Variants in TNC observed in about 807,000 individuals in gnomAD.
TNC encodes tenascin C, also known as tenascin.
Under a neutral mutation model 202.4 loss-of-function variants are expected in TNC, and 109 were observed. The ratio of observed to expected loss-of-function variants is 0.54; its 90% CI spans 0.46 to 0.63. The LOEUF (loss-of-function observed/expected upper bound fraction) is 0.63. Among genes scored for constraint, TNC ranks in the 30% least tolerant of loss-of-function variants. The pLI, the probability that TNC is intolerant of heterozygous loss-of-function variation, is 0.00. For missense variants in TNC, 2,756 were observed against 2,833.3 expected, an observed-to-expected ratio of 0.97 and a Z score of 0.62; for synonymous variants, 1,007 against 1,089.7, an observed-to-expected ratio of 0.92 and a Z score of 1.50.
intron 1 of TNC, among the ~76,000 whole-genome samples, chr9:115,103,182 C>T (rs1836362899): frequency 1.3e-5 from 2 of 152,156 alleles, no homozygotes; most frequent in South Asian, 4.1e-4. Context: ...AACCCAAGGG[C>T]TTTTAAGAGC....
chr9:115,058,460 C>T (rs1832296170), intron 14 of TNC, among the ~76,000 whole-genome samples: 1 of 152,148 alleles, frequency 6.6e-6, no homozygotes, highest in South Asian at 2.1e-4. Context: ...ACAAGATCTG[C>T]AGAAAAGATC....
At position 115,073,627 on chromosome 9, in the gene TNC, G is replaced by T; in HGVS notation, c.3190C>A (p.Pro1064Thr). The T allele has an allele frequency of 6.2e-7, 1 of 1,614,112 alleles. No individual in the cohort carries two copies. Among genetic ancestry groups the T allele is most frequent in the Non-Finnish European group, 8.5e-7 (1 of 1,179,994 alleles). Reference protein sequence around the residue: ...TAEKGRHKSKPARVKASTEQA... With the variant: ...TAEKGRHKSKTARVKASTEQA... ...CCAGTGGATGCCTTCACACGTGCGG[G>T]CTTGCTCTTGTGTCTGCCTTTCTCG... Residue 1064 changes from proline (P) to threonine (T), a missense_variant, in exon 10 of 28, where the codon CCC (proline) becomes ACC (threonine). Transcript: ENST00000350763.
chr9:115,055,059 C>G (rs947079125), intron 15 of TNC, among the ~76,000 whole-genome samples: 1 of 148,818 alleles, frequency 6.7e-6, no homozygotes, highest in Non-Finnish European at 1.5e-5. Context: ...GAGTGTAGAT[C>G]TTTCTGACCA....
In TNC at chr9:115,048,376, C is replaced by G; in HGVS notation, c.4736G>C (p.Gly1579Ala). 1 of 1,614,054 alleles carries G rather than the reference C, an allele frequency of 6.2e-7. No individual in the cohort carries two copies. Among genetic ancestry groups the G allele is most frequent in the Non-Finnish European group, 8.5e-7 (1 of 1,179,980 alleles). ...LLDPQEFTLS[G>A]TQRKLELRGL... The stretch of plus-strand genomic sequence containing the variant: ...TCTAAGCTCCAGCTTCCTCTGGGTT[C>G]CTGAAAGTGTGAATTCCTGGGGGTC... The change falls in exon 16 of 28, where the codon GGA becomes GCA. Residue 1579 changes from glycine (G) to alanine (A), a missense_variant. This residue lies in a region of TNC where 2,559 missense variants were observed against 2,546.0 expected (regional missense o/e 1.01). Transcript: ENST00000350763.
At chr9:115,032,552 A>G (rs1830027978) in intron 22 of TNC, among the ~76,000 whole-genome samples, 1 of 152,198 alleles carries the variant, frequency 6.6e-6, no homozygotes, top group Non-Finnish European at 1.5e-5. Flanking sequence ...GAAGCTTTAA[A>G]ACAATATGAT....
Position 115,064,830 on chromosome 9 carries a change from C to T in TNC, c.3304G>A (p.Glu1102Lys). The T allele has an allele frequency of 2.5e-6, 4 of 1,614,184 alleles. No individual in the cohort carries two copies. Among genetic ancestry groups the T allele is most frequent in the South Asian group, 1.1e-5 (1 of 91,080 alleles). The change falls in exon 11 of 28, where the codon GAG becomes AAG. Residue 1102 changes from glutamate (E) to lysine (K), a missense_variant. By Grantham distance (56) the Glu-to-Lys change is moderately conservative (BLOSUM62 1). Around this residue, in one of 2 missense-constraint regions of TNC, gnomAD observed 2,559 missense variants for 2,546.0 expected, o/e 1.01. Coordinates refer to ENST00000350763, the MANE Select transcript of TNC (RefSeq NM_002160.4). ...TCCTGCACCTGAATGATAAAGTGCT[C>T]ATAGGCCTGGTCAGCTGCGGTCCAG... ...LNWTAADQAYEHFIIQVQEAN... is the reference protein window; with the variant it reads ...LNWTAADQAYKHFIIQVQEAN...
chr9:115,071,627 T>G (rs1330319114), intron 10 of TNC, among the ~76,000 whole-genome samples: 1 of 152,050 alleles, frequency 6.6e-6, no homozygotes, highest in African/African-American at 2.4e-5. Context: ...GTGGAATGAT[T>G]GAGGGGCAAT....
chr9:115,038,223 A>G, intron 20 of TNC, 38 bp downstream of exon 20: 1 of 1,595,928 alleles, frequency 6.3e-7, no homozygotes, highest in Non-Finnish European at 8.6e-7. Flanking sequence ...CAGGAAAGAC[A>G]CTCCTTAGAG....
At chr9:115,089,536 T>C (rs1399827781) in intron 2 of TNC, among the ~76,000 whole-genome samples, 1 of 152,072 alleles carries the variant, frequency 6.6e-6, no homozygotes, top group Non-Finnish European at 1.5e-5. Flanking sequence ...GTTTTGCTCT[T>C]GTCACTCAGG....
At chr9:115,108,672 T>C (rs1392160887) in intron 1 of TNC, among the ~76,000 whole-genome samples, 1 of 152,234 alleles carries the variant, frequency 6.6e-6, no homozygotes, top group African/African-American at 2.4e-5. Flanking sequence ...AATGTTTGTG[T>C]TCCCTCAAAA....
At chr9:115,111,704 GC>G (rs1303072212) in intron 1 of TNC, among the ~76,000 whole-genome samples, 1 of 152,040 alleles carries the variant, frequency 6.6e-6, no homozygotes, top group Non-Finnish European at 1.5e-5. Context: ...GAGCGACCAT[GC>G]CCGGTAACTC....
rs555275361 is a variant in TNC, at chr9:115,104,563, T to C, written c.-136-13409A>G. On this transcript the variant is annotated intron_variant, in intron 1 of 27. Coordinates refer to ENST00000350763, the MANE Select transcript of TNC (RefSeq NM_002160.4). ...GCCTTGGACAACGTCCTATACCTTC[T>C]GAATTGTGGCTTATTCAACTATAAA... Among the ~76,000 whole-genome samples the C allele has an allele frequency of 5.3e-5, 8 of 152,334 alleles. No homozygotes were observed. The South Asian group carries it at 1.7e-3, about 32-fold the overall frequency.
chr9:115,077,348 G>A (rs560737039), intron 7 of TNC, among the ~76,000 whole-genome samples: 3 of 152,260 alleles, frequency 2.0e-5, no homozygotes, highest in South Asian at 2.1e-4. Context: ...GAGCCACTGC[G>A]CCTGACCCCA....
Position 115,057,441 on chromosome 9 carries a change from G to A in TNC, c.4307-16C>T, listed in dbSNP as rs1322301558. The stretch of plus-strand genomic sequence containing the variant: ...GGTTCTTTGGCTGTAAAAGGAAGGG[G>A]TAGGGGAGAAGAAAAAAATAAATTT... On this transcript the variant is annotated splice_polypyrimidine_tract_variant and intron_variant, in intron 14 of 27. Transcript: ENST00000350763. The A allele has an allele frequency of 6.4e-7, 1 of 1,569,586 alleles. No homozygotes were observed. Among genetic ancestry groups the A allele is most frequent in the Admixed American group, 2.0e-5 (1 of 50,966 alleles).
chr9:115,064,971 C>A, intron 10 of TNC, 52 bp from the exon 11 acceptor site: 1 of 1,573,432 alleles, frequency 6.4e-7, no homozygotes, highest in Non-Finnish European at 8.6e-7. Context: ...GAAAGTTTTG[C>A]TTCTGAGAAC....
intron 10 of TNC, among the ~76,000 whole-genome samples, chr9:115,067,459 T>C (rs1288049058): frequency 2.0e-5 from 3 of 152,212 alleles, no homozygotes; most frequent in African/African-American, 7.2e-5. Context: ...TTAATCCTTA[T>C]GTCTAATTGT....
At chr9:115,099,567 G>A (rs1275842496) in intron 1 of TNC, among the ~76,000 whole-genome samples, 2 of 152,182 alleles carry the variant, frequency 1.3e-5, no homozygotes, top group East Asian at 3.8e-4. Flanking sequence ...TTTTGGTTGT[G>A]TAACATTGCC....
intron 10 of TNC, among the ~76,000 whole-genome samples, chr9:115,072,753 C>T (rs1489060797): frequency 2.6e-5 from 4 of 152,170 alleles, no homozygotes; most frequent in Non-Finnish European, 2.9e-5. Context: ...GCAGTAGGTA[C>T]TCAATACATG....
At chr9:115,057,464 T>C in intron 14 of TNC, 39 bp from the exon 15 acceptor site, 1 of 1,537,082 alleles carries the variant, frequency 6.5e-7, no homozygotes, top group African/African-American at 1.4e-5. Flanking sequence ...AAAAAATAAA[T>C]TTGAGTTAAT....
Sources: allele counts gnomAD v4.1 joint callset (sites outside exome capture counted in the v4.1 genomes callset), GRCh38; gene constraint gnomAD v4.1.1; regional missense constraint gnomAD v4.1.1; transcripts MANE v1.5; gene names NCBI Gene and HGNC (gene_info 2026-07-23, HGNC 2026-07-21).